Variants in MAU2 observed in about 807,000 individuals in gnomAD.
MAU2 encodes MAU2 chromatid cohesion factor homolog.
In MAU2, 9 loss-of-function variants were observed where a neutral mutation model predicts 89.1. The ratio of observed to expected loss-of-function variants is 0.10; its 90% CI spans 0.06 to 0.18. The LOEUF (loss-of-function observed/expected upper bound fraction) is 0.18, where lower values mean the gene tolerates loss of function less well. MAU2 is among the 10% of genes least tolerant of loss of function. The probability of loss-of-function intolerance (pLI) is 1.00; values close to 1 mark genes in which losing one functional copy is unlikely to be tolerated. For missense variants in MAU2, 425 were observed against 803.5 expected, an observed-to-expected ratio of 0.53 and a Z score of 5.69; for synonymous variants, 357 against 343.4, an observed-to-expected ratio of 1.04 and a Z score of -0.44.
chr19:19,337,278 G>C lies in MAU2; in HGVS notation c.456+13G>C. 1 of 1,608,726 alleles carries C rather than the reference G, an allele frequency of 6.2e-7. No homozygotes were observed. Among genetic ancestry groups the C allele is most frequent in the Non-Finnish European group, 8.5e-7 (1 of 1,176,256 alleles). ...CTTCCAGCTCGCTGTGAGTACCGCG[G>C]CCCGGGAACGAGGGTGCCCGGCAGG... On this transcript the variant is annotated intron_variant, in intron 4 of 18. Coordinates refer to ENST00000262815, the MANE Select transcript of MAU2 (RefSeq NM_015329.4).
intron 16 of MAU2, 56 bp downstream of exon 16, chr19:19,349,492 A>G (rs2061723796): frequency 1.3e-6 from 2 of 1,495,252 alleles, no homozygotes; most frequent in Non-Finnish European, 1.9e-6. Context: ...TGGCTGAGGG[A>G]CAGGAGCCGG....
rs1372789952 is a variant in MAU2, at chr19:19,358,341, T to A, written c.*2559T>A. The stretch of plus-strand genomic sequence containing the variant: ...CAGCAGGAAGTGAGGCTGCCATGTT[T>A]CCTTGAGACACAGCTGCCTCTCCCC... On this transcript the variant is annotated 3_prime_UTR_variant, in exon 19 of 19. Coordinates refer to ENST00000262815, the MANE Select transcript of MAU2 (RefSeq NM_015329.4). 1 of 152,192 alleles carries A rather than the reference T, an allele frequency of 6.6e-6. No homozygotes were observed. The highest frequency in any genetic ancestry group is 1.5e-5 in the Non-Finnish European group (1 of 68,082). 9.4% of individuals were successfully genotyped at this position (152,192 alleles called of 1,614,324 possible).
At chr19:19,354,645 G>T (rs766232875) in intron 17 of MAU2, 200 bp downstream of exon 17, 1 of 603,996 alleles carries the variant, frequency 1.7e-6, no homozygotes, top group African/African-American at 1.8e-5. Flanking sequence ...CGCTTGACTC[G>T]GGGTCTGGTT....
intron 17 of MAU2, chr19:19,354,657 A>G: frequency 1.7e-6 from 1 of 594,384 alleles, no homozygotes; most frequent in Admixed American, 2.7e-5. Flanking sequence ...GGTCTGGTTC[A>G]GTCTCTATAG....
At chr19:19,330,535 G>A (rs1204115986) in intron 1 of MAU2, among the ~76,000 whole-genome samples, 1 of 152,174 alleles carries the variant, frequency 6.6e-6, no homozygotes, top group Non-Finnish European at 1.5e-5. Context: ...GAGGTCAGGA[G>A]TTCGAGACCT....
chr19:19,344,802 G>C (rs1434964344), intron 10 of MAU2, 47 bp from the exon 11 acceptor site: 1 of 1,521,430 alleles, frequency 6.6e-7, no homozygotes, highest in South Asian at 1.1e-5. Flanking sequence ...TCAGACGCCA[G>C]GTCCCAGGTT....
chr19:19,355,950 C>A lies in MAU2; in HGVS notation c.*168C>A. On this transcript the variant is annotated 3_prime_UTR_variant, in exon 19 of 19. Transcript: ENST00000262815. Reference sequence around the variant, plus strand: ...CCTGCCCTCCCAGGAGGGGTGGTAGCCGTTCCCACCTCGCAGCAGGACCCC... The same window carrying A: ...CCTGCCCTCCCAGGAGGGGTGGTAGACGTTCCCACCTCGCAGCAGGACCCC... The A allele has an allele frequency of 1.4e-6, 1 of 725,830 alleles. No individual in the cohort carries two copies. Among genetic ancestry groups the A allele is most frequent in the East Asian group, 2.7e-5 (1 of 36,974 alleles). 45.0% of individuals were successfully genotyped at this position (725,830 alleles called of 1,614,324 possible).
At position 19,320,835 on chromosome 19, in the gene MAU2, G is replaced by T; in HGVS notation, c.-25G>T. The T allele has an allele frequency of 6.7e-7, 1 of 1,495,758 alleles. No homozygotes were observed. The highest frequency in any genetic ancestry group is 8.8e-7 in the Non-Finnish European group (1 of 1,136,356). 92.7% of individuals were successfully genotyped at this position (1,495,758 alleles called of 1,614,324 possible). A position where few individuals can be genotyped will look rare whatever the true frequency, so the allele number is the denominator to read the frequency against. The stretch of plus-strand genomic sequence containing the variant: ...CGCCTGCTTCCGCCTCCCTGTGGCG[G>T]CGGCTTGTTGTTGTGGAGGCCAAAA... On this transcript the variant is annotated 5_prime_UTR_variant, in exon 1 of 19. Transcript: ENST00000262815.
intron 16 of MAU2, among the ~76,000 whole-genome samples, chr19:19,349,855 C>T (rs184756116): frequency 6.6e-6 from 1 of 152,252 alleles, no homozygotes; most frequent in East Asian, 1.9e-4. Context: ...TCTCAGGGTA[C>T]AAGTGGCCCC....
chr19:19,344,402 A>T, intron 10 of MAU2: 1 of 218,810 alleles, frequency 4.6e-6, no homozygotes, highest in South Asian at 7.7e-5. Context: ...ACAGAGTGAG[A>T]CTCCATCTCA....
At chr19:19,324,703 T>C (rs917197557) in intron 1 of MAU2, among the ~76,000 whole-genome samples, 2 of 152,242 alleles carry the variant, frequency 1.3e-5, no homozygotes, top group Non-Finnish European at 2.9e-5. Flanking sequence ...ACTTTGAATC[T>C]TGAAGGGTCT....
intron 4 of MAU2, among the ~76,000 whole-genome samples, chr19:19,338,536 G>A (rs1433992053): frequency 6.6e-6 from 1 of 152,220 alleles, no homozygotes; most frequent in Admixed American, 6.5e-5. Flanking sequence ...AACAGCCTTA[G>A]GTGCTCACAC....
chr19:19,337,847 C>G (rs1164655859), intron 4 of MAU2, among the ~76,000 whole-genome samples: 2 of 152,244 alleles, frequency 1.3e-5, no homozygotes, highest in South Asian at 4.1e-4. Flanking sequence ...AAGCCCTGGT[C>G]TCTGAGCTCC....
intron 4 of MAU2, among the ~76,000 whole-genome samples, chr19:19,337,644 A>G (rs2061608157): frequency 6.6e-6 from 1 of 152,162 alleles, no homozygotes; most frequent in African/African-American, 2.4e-5. Flanking sequence ...ATTTCCTGCC[A>G]GAGACCCACT....
rs373264133 is a variant in MAU2 at position 19,342,515 on chromosome 19, C to T, written c.736-20C>T. 26 of 1,538,102 alleles carry T rather than the reference C, an allele frequency of 1.7e-5. No individual in the cohort carries two copies. The highest frequency in any genetic ancestry group is 2.0e-5 in the Non-Finnish European group (23 of 1,140,660). ...GAGAGGCCAGGCTCAGGTGGATGCT[C>T]GGGTGTGGGTGCTGCACAGGTGAAG... is the stretch of plus-strand genomic sequence containing the variant. On this transcript the variant is annotated intron_variant, in intron 7 of 18. Coordinates refer to ENST00000262815, the MANE Select transcript of MAU2 (RefSeq NM_015329.4).
chr19:19,323,285 C>T (rs1468926014), intron 1 of MAU2, among the ~76,000 whole-genome samples: 4 of 151,770 alleles, frequency 2.6e-5, no homozygotes, highest in East Asian at 1.9e-4. Flanking sequence ...ACTTCCGTCT[C>T]GTGGGTTCAA....
chr19:19,341,781 G>A (rs767555322), intron 7 of MAU2, among the ~76,000 whole-genome samples: 3 of 152,224 alleles, frequency 2.0e-5, no homozygotes, highest in South Asian at 4.1e-4. Context: ...TCTGGCCCCC[G>A]GCTGTGGGGT....
At chr19:19,334,561 T>C in intron 1 of MAU2, 1 of 985,596 alleles carries the variant, frequency 1.0e-6, no homozygotes, top group Non-Finnish European at 1.2e-6. Context: ...GTGAATACTC[T>C]CTGCTGCATC....
intron 5 of MAU2, 100 bp from the exon 6 acceptor site, chr19:19,340,744 CCT>C: frequency 2.5e-6 from 3 of 1,201,060 alleles, no homozygotes; most frequent in South Asian, 1.4e-5. Flanking sequence ...TGAACTGTCC[CCT>C]GAGGTGGCAT....
Sources: gnomAD v4.1 joint callset for allele counts (sites outside exome capture counted in the v4.1 genomes callset) on GRCh38, gnomAD v4.1.1 for gene constraint, MANE v1.5 for transcripts, NCBI Gene and HGNC (gene_info 2026-07-23, HGNC 2026-07-21) for gene names.